HEATR9: variants seen among roughly 807,000 people sequenced by gnomAD.
HEATR9 encodes the protein HEAT repeat containing 9.
In HEATR9, 54 loss-of-function variants were observed where a neutral mutation model predicts 68.2. The observed-to-expected ratio is 0.79, with a 90% confidence interval of 0.64 to 0.99. The LOEUF (loss-of-function observed/expected upper bound fraction) is 0.99. Ranked by LOEUF, HEATR9 falls within the 50% of genes least tolerant of loss-of-function variation. The pLI is 0.00. For missense variants in HEATR9, 662 were observed against 679.7 expected, an observed-to-expected ratio of 0.97 and a Z score of 0.29; for synonymous variants, 241 against 253.5, an observed-to-expected ratio of 0.95 and a Z score of 0.47.
chr17:35,855,796 G>A, intron 13 of HEATR9, 46 bp from the exon 14 acceptor site: 1 of 1,481,002 alleles, frequency 6.8e-7, no homozygotes, highest in Non-Finnish European at 9.4e-7. Flanking sequence ...GCCCCAGGAA[G>A]ACACCTTATA....
chr17:35,855,785 A>G (rs2087749500), intron 13 of HEATR9, 35 bp from the exon 14 acceptor site: 1 of 1,549,030 alleles, frequency 6.5e-7, no homozygotes, highest in African/African-American at 1.4e-5. Context: ...CTATGTAGCC[A>G]GCCCCAGGAA....
At chr17:35,857,373 C>T (rs561576231) in intron 11 of HEATR9, among the ~76,000 whole-genome samples, 1 of 152,258 alleles carries the variant, frequency 6.6e-6, no homozygotes, top group Non-Finnish European at 1.5e-5. Flanking sequence ...GTGGAAGCAG[C>T]ATAAGCCATC....
At chr17:35,867,981 A>G (rs896850758) in intron 1 of HEATR9, among the ~76,000 whole-genome samples, 2 of 152,244 alleles carry the variant, frequency 1.3e-5, no homozygotes, top group South Asian at 4.1e-4. Context: ...GGGTTTCACC[A>G]TCTTGGCCAG....
chr17:35,857,814 A>G (rs2087829789), intron 11 of HEATR9, among the ~76,000 whole-genome samples: 1 of 152,216 alleles, frequency 6.6e-6, no homozygotes, highest in Non-Finnish European at 1.5e-5. Flanking sequence ...TAGTAAATAT[A>G]AAAGCAAGGG....
In HEATR9 at chr17:35,859,192, A is replaced by ATT. The variant is rs923772565; in HGVS notation, c.757-124_757-123dup. ...CTTGTGCATCAGATTATTTCAACCA[A>ATT]TTAACTTATTCTTGCTGTCACCTAC... On this transcript the variant is annotated intron_variant, in intron 8 of 14. Transcript: ENST00000604834. 1.1e-5 allele frequency: 10 copies of ATT among 876,860 alleles called. 1 individual carries two copies. Among genetic ancestry groups the ATT allele is most frequent in the South Asian group, 3.4e-5 (2 of 58,726 alleles). 54.3% of individuals were successfully genotyped at this position (876,860 alleles called of 1,614,324 possible). A position where few individuals can be genotyped will look rare whatever the true frequency, so the allele number is the denominator to read the frequency against.
At position 35,858,896 on chromosome 17, in the gene HEATR9, G is replaced by T. The variant is rs750059795; in HGVS notation, c.931C>A (p.Arg311=). Reference sequence around the variant, plus strand: ...CCTCCTGCCCCTCACACCTTCATCCGCTGGGTCTTGAGTCCTTGGCACAGG... The same window carrying T: ...CCTCCTGCCCCTCACACCTTCATCCTCTGGGTCTTGAGTCCTTGGCACAGG... ...QCLCQGLKTQ[R]MKALRMLVKV... is the part of the protein sequence containing the mutation. The change falls in exon 9 of 15, where the codon CGG becomes AGG. Residue 311 remains arginine, a synonymous_variant. Transcript: ENST00000604834. 3 of 1,613,416 alleles carry T rather than the reference G, an allele frequency of 1.9e-6. No individual in the cohort carries two copies. Among genetic ancestry groups the T allele is most frequent in the Admixed American group, 1.7e-5 (1 of 60,014 alleles).
At chr17:35,863,224 C>A in intron 7 of HEATR9, 99 bp from the exon 8 acceptor site, 1 of 1,496,776 alleles carries the variant, frequency 6.7e-7, no homozygotes, top group South Asian at 1.1e-5. Context: ...ACCTAAGTTC[C>A]AAGTCCTAGG....
intron 11 of HEATR9, 98 bp downstream of exon 11, chr17:35,858,102 G>T: frequency 1.3e-6 from 2 of 1,528,046 alleles, no homozygotes; most frequent in Non-Finnish European, 1.8e-6. Context: ...AGGTCAGGAT[G>T]AATGTGATAC....
chr17:35,867,263 AAAAT>A (rs1168720626), intron 1 of HEATR9, among the ~76,000 whole-genome samples: 1 of 151,958 alleles, frequency 6.6e-6, no homozygotes. Context: ...TCCGTCTCAA[AAAAT>A]AAATAAATAA....
chr17:35,858,811 A>G (rs976514479), intron 9 of HEATR9, 77 bp downstream of exon 9: 6 of 1,511,456 alleles, frequency 4.0e-6, no homozygotes, highest in Middle Eastern at 2.4e-4. Flanking sequence ...CACCACCAGG[A>G]TGGCAGGATC....
chr17:35,863,669 T>G, intron 6 of HEATR9, 110 bp from the exon 7 acceptor site: 3 of 1,195,016 alleles, frequency 2.5e-6, no homozygotes, highest in East Asian at 4.8e-5. Context: ...AACTGAAGCC[T>G]AGAAAGTGAC....
chr17:35,859,113 T>C (rs781720275), intron 8 of HEATR9, 43 bp from the exon 9 acceptor site: 1 of 1,551,500 alleles, frequency 6.4e-7, no homozygotes, highest in South Asian at 1.1e-5. Flanking sequence ...GCTATGTACT[T>C]TATGCCAGGC....
At chr17:35,863,201 C>A in intron 7 of HEATR9, 76 bp from the exon 8 acceptor site, 1 of 1,589,910 alleles carries the variant, frequency 6.3e-7, no homozygotes, top group Admixed American at 1.7e-5. Context: ...TTGAACTCCA[C>A]TGTGCCATCG....
rs2088045511 is a variant in HEATR9 at position 35,862,869 on chromosome 17, T to C, written c.756+126A>G. 3 of 1,397,332 alleles carry C rather than the reference T, an allele frequency of 2.1e-6. No homozygotes were observed. In the South Asian group the frequency reaches 3.9e-5, roughly 18 times the overall value. 86.6% of individuals were successfully genotyped at this position (1,397,332 alleles called of 1,614,324 possible). The stretch of plus-strand genomic sequence containing the variant: ...TCTATTCAACTCCCGAGGGAACTCC[T>C]CAAGGACAGTGTCTTCCTCTATCAA... On this transcript the variant is annotated intron_variant, in intron 8 of 14. Transcript: ENST00000604834.
rs531210578 is a variant in HEATR9 at position 35,863,262 on chromosome 17, A to T, written c.626-137T>A. 6.2e-5 allele frequency: 74 copies of T among 1,196,842 alleles called. No individual in the cohort carries two copies. The East Asian group carries it at 9.9e-4, about 16-fold the overall frequency. The allele number at this position is 1,196,842 out of a possible 1,614,324, so 74.1% of individuals were successfully genotyped here. A position where few individuals can be genotyped will look rare whatever the true frequency, so the allele number is the denominator to read the frequency against. ...CCACAGTGTTGCTCATCTTCCCAGGATACCAGGGCAGCTGGCTGAATGTGA... is the reference window on the plus strand; with the variant it reads ...CCACAGTGTTGCTCATCTTCCCAGGTTACCAGGGCAGCTGGCTGAATGTGA... On this transcript the variant is annotated intron_variant, in intron 7 of 14. Transcript: ENST00000604834.
intron 11 of HEATR9, 58 bp downstream of exon 11, chr17:35,858,142 A>T (rs568414753): frequency 5.0e-6 from 8 of 1,610,660 alleles, no homozygotes; most frequent in Admixed American, 3.3e-5. Context: ...GGTCTCCAGA[A>T]CACGGAAAAG....
intron 8 of HEATR9, among the ~76,000 whole-genome samples, chr17:35,862,626 G>C (rs970782926): frequency 6.6e-6 from 1 of 152,172 alleles, no homozygotes; most frequent in African/African-American, 2.4e-5. Flanking sequence ...GACGTCCCAT[G>C]GATGGGTTTA....
In HEATR9 at chr17:35,868,757, G is replaced by A; in HGVS notation, c.-15C>T. 1 of 1,613,728 alleles carries A rather than the reference G, an allele frequency of 6.2e-7. No homozygotes were observed. The highest frequency in any genetic ancestry group is 8.5e-7 in the Non-Finnish European group (1 of 1,179,682). On this transcript the variant is annotated 5_prime_UTR_variant, in exon 1 of 15. Coordinates refer to ENST00000604834, the MANE Select transcript of HEATR9 (RefSeq NM_152781.4). ...TCATAGGCCATCTTCTTCTCCTGGTGGGGCCAGAGGGAACCTGCAGGGGGG... is the reference window on the plus strand; with the variant it reads ...TCATAGGCCATCTTCTTCTCCTGGTAGGGCCAGAGGGAACCTGCAGGGGGG...
At chr17:35,861,628 A>T (rs554506747) in intron 8 of HEATR9, 22 of 609,980 alleles carry the variant, frequency 3.6e-5, no homozygotes, top group Middle Eastern at 4.4e-4. Context: ...CTCCCTTTGC[A>T]TTGGTCCTTC....
Sources: gnomAD v4.1 joint callset for allele counts (sites outside exome capture counted in the v4.1 genomes callset) on GRCh38, gnomAD v4.1.1 for gene constraint, MANE v1.5 for transcripts, NCBI Gene and HGNC (gene_info 2026-07-23, HGNC 2026-07-21) for gene names.